The following PLXDC2 variants were observed in gnomAD, a reference collection of about 807,000 sequenced individuals.
PLXDC2 encodes the protein plexin domain-containing protein 2.
PLXDC2 carries 40 observed loss-of-function variants against 68.9 expected under a neutral mutation model. That is an observed-to-expected ratio of 0.58 (90% CI 0.45 to 0.76). PLXDC2 has a LOEUF of 0.76. Ranked by LOEUF, PLXDC2 falls within the 30% of genes least tolerant of loss-of-function variation. The probability of loss-of-function intolerance (pLI) is 0.00; values close to 1 mark genes in which losing one functional copy is unlikely to be tolerated. For synonymous variants in PLXDC2, 243 were observed against 234.2 expected, an observed-to-expected ratio of 1.04 and a Z score of -0.34; for missense variants, 644 against 661.9, an observed-to-expected ratio of 0.97 and a Z score of 0.30.
chr10:19,821,890 A>G (rs1242455862), intron 1 of PLXDC2, among the ~76,000 whole-genome samples: 1 of 152,110 alleles, frequency 6.6e-6, no homozygotes, highest in Non-Finnish European at 1.5e-5. Flanking sequence ...TCTTAATCTC[A>G]TATCTTTTTT....
intron 9 of PLXDC2, among the ~76,000 whole-genome samples, chr10:20,190,275 A>G (rs1242801069): frequency 6.6e-6 from 1 of 151,910 alleles, no homozygotes; most frequent in Non-Finnish European, 1.5e-5. Context: ...AAAATTATAT[A>G]TTTCATTCCT....
rs372584941 is a variant in PLXDC2 at position 19,845,548 on chromosome 10, C to T, written c.112+28357C>T. On this transcript the variant is annotated intron_variant, in intron 1 of 13. Coordinates refer to ENST00000377252, the MANE Select transcript of PLXDC2 (RefSeq NM_032812.9). ...AGGGCAGGTGACCCCCAAAGTGGAG[C>T]TTACCCCATGAGAGTTCTTAGCTTT... Among the ~76,000 whole-genome samples the T allele has an allele frequency of 2.0e-5, 3 of 152,270 alleles. No homozygotes were observed. The East Asian group carries it at 5.8e-4, about 29-fold the overall frequency.
intron 4 of PLXDC2, among the ~76,000 whole-genome samples, chr10:20,081,830 A>G (rs1836564131): frequency 6.6e-6 from 1 of 151,846 alleles, no homozygotes; most frequent in Admixed American, 6.6e-5. Flanking sequence ...CACAAGCTCA[A>G]GAGATTGAGA....
In PLXDC2 at chr10:19,818,522, G is replaced by C. The variant is rs182351456; in HGVS notation, c.112+1331G>C. ...CTGCGCTCTTATTTATGGTTGAAGG[G>C]GTGTGTGTGTTGGGGTGTATGTGCA... On this transcript the variant is annotated intron_variant, in intron 1 of 13. Transcript: ENST00000377252. Among the ~76,000 whole-genome samples, 68 of 151,988 alleles carry C rather than the reference G, an allele frequency of 4.5e-4. 1 individual carries two copies. In the East Asian group the frequency reaches 9.1e-3, roughly 20 times the overall value.
At chr10:20,262,125 G>A (rs1835815582) in intron 13 of PLXDC2, among the ~76,000 whole-genome samples, 1 of 152,046 alleles carries the variant, frequency 6.6e-6, no homozygotes, top group African/African-American at 2.4e-5. Flanking sequence ...CGGCCCACCT[G>A]GGAGCAACCA....
intron 1 of PLXDC2, among the ~76,000 whole-genome samples, chr10:19,830,823 A>G (rs1039252595): frequency 1.3e-5 from 2 of 152,126 alleles, no homozygotes; most frequent in Non-Finnish European, 2.9e-5. Context: ...GCCCAATGTG[A>G]TAAAGCAGGA....
intron 1 of PLXDC2, among the ~76,000 whole-genome samples, chr10:19,954,156 G>A (rs1026061119): frequency 6.6e-6 from 1 of 152,088 alleles, no homozygotes; most frequent in African/African-American, 2.4e-5. Flanking sequence ...AAATGTGTGG[G>A]CTTATCTTTT....
At chr10:20,074,309 G>C (rs1049456463) in intron 4 of PLXDC2, among the ~76,000 whole-genome samples, 2 of 152,092 alleles carry the variant, frequency 1.3e-5, no homozygotes, top group Admixed American at 1.3e-4. Context: ...TGTTTATTAA[G>C]TAATACCTGT....
intron 4 of PLXDC2, among the ~76,000 whole-genome samples, chr10:20,133,387 C>G (rs1833892412): frequency 6.6e-6 from 1 of 152,092 alleles, no homozygotes; most frequent in Non-Finnish European, 1.5e-5. Flanking sequence ...GTGAGGTAGT[C>G]CTAATGGTGA....
intron 1 of PLXDC2, among the ~76,000 whole-genome samples, chr10:19,903,952 C>T (rs1838201441): frequency 6.6e-6 from 1 of 152,030 alleles, no homozygotes; most frequent in Non-Finnish European, 1.5e-5. Context: ...AATGATCATT[C>T]AGGATCAGTT....
chr10:20,035,567 G>A (rs1401544564), intron 2 of PLXDC2, among the ~76,000 whole-genome samples: 10 of 151,784 alleles, frequency 6.6e-5, no homozygotes, highest in African/African-American at 1.9e-4. Flanking sequence ...ATGGTGGTGC[G>A]TGCCTGTAAT....
chr10:19,949,083 C>G (rs943881890), intron 1 of PLXDC2, among the ~76,000 whole-genome samples: 1 of 130,886 alleles, frequency 7.6e-6, no homozygotes, highest in Non-Finnish European at 1.5e-5. Flanking sequence ...ACCAAGATTG[C>G]ACCACTGCAC....
At chr10:20,054,120 G>T (rs555247573) in intron 3 of PLXDC2, among the ~76,000 whole-genome samples, 1 of 152,168 alleles carries the variant, frequency 6.6e-6, no homozygotes, top group African/African-American at 2.4e-5. Flanking sequence ...GGAAAATTTG[G>T]CCAAGAGCAG....
intron 1 of PLXDC2, among the ~76,000 whole-genome samples, chr10:19,898,635 CTATT>C (rs1388732377): frequency 6.6e-6 from 1 of 152,136 alleles, no homozygotes; most frequent in Admixed American, 6.6e-5. Flanking sequence ...GCTTATATAT[CTATT>C]TGTCGGGGAA....
At chr10:20,207,459 G>A in intron 9 of PLXDC2, among the ~76,000 whole-genome samples, 1 of 152,140 alleles carries the variant, frequency 6.6e-6, no homozygotes, top group Non-Finnish European at 1.5e-5. Context: ...ATTGGCTTTG[G>A]ATACATTTGA....
At chr10:20,098,574 A>G (rs1048902008) in intron 4 of PLXDC2, among the ~76,000 whole-genome samples, 1 of 152,192 alleles carries the variant, frequency 6.6e-6, no homozygotes, top group African/African-American at 2.4e-5. Flanking sequence ...GAAGATGTTT[A>G]TGATGGGAGA....
Position 20,137,970 on chromosome 10 carries a change from C to A in PLXDC2, c.542-5325C>A, listed in dbSNP as rs557195379. On this transcript the variant is annotated intron_variant, in intron 4 of 13. Transcript: ENST00000377252. ...GTCCAGGGTTGGTACTTGCCTCACT[C>A]CCTTAGCTGCCAGGAAAGGCTCAGT... 5.9e-5 allele frequency among the ~76,000 whole-genome samples: 9 copies of A among 152,280 alleles called. No homozygotes were observed. In the South Asian group the frequency reaches 1.9e-3, roughly 32 times the overall value.
intron 3 of PLXDC2, among the ~76,000 whole-genome samples, chr10:20,054,133 T>G (rs1156522053): frequency 6.6e-6 from 1 of 151,404 alleles, no homozygotes; most frequent in Non-Finnish European, 1.5e-5. Context: ...AAGAGCAGAG[T>G]GGGCGTCAGT....
intron 4 of PLXDC2, chr10:20,070,976 A>G (rs1025052841): frequency 4.2e-5 from 4 of 96,328 alleles, no homozygotes; most frequent in African/African-American, 1.7e-4. Flanking sequence ...AAATAAGTGA[A>G]AAAAAAAAAA....
Sources: allele counts gnomAD v4.1 joint callset (sites outside exome capture counted in the v4.1 genomes callset), GRCh38; gene constraint gnomAD v4.1.1; transcripts MANE v1.5; gene names NCBI Gene and HGNC (gene_info 2026-07-23, HGNC 2026-07-21).